ZFYVE28: variants seen among roughly 807,000 people sequenced by gnomAD.
ZFYVE28 encodes lateral signaling target protein 2 homolog.
A neutral mutation model predicts 82.1 loss-of-function variants in ZFYVE28; 40 were observed. That is an observed-to-expected ratio of 0.49 (90% CI 0.38 to 0.63). The LOEUF is 0.63. Ranked by LOEUF, ZFYVE28 falls within the 30% of genes least tolerant of loss-of-function variation. The pLI, the probability that ZFYVE28 is intolerant of heterozygous loss-of-function variation, is 0.00. For synonymous variants in ZFYVE28, 612 were observed against 546.1 expected, an observed-to-expected ratio of 1.12 and a Z score of -1.68; for missense variants, 1,321 against 1,242.1, an observed-to-expected ratio of 1.06 and a Z score of -0.96.
chr4:2,321,595 A>G (rs144922653), intron 6 of ZFYVE28, among the ~76,000 whole-genome samples: 52 of 152,030 alleles, frequency 3.4e-4, no homozygotes, highest in Middle Eastern at 3.4e-3. Flanking sequence ...GATTGAACGA[A>G]CAGTATTCAG....
chr4:2,368,326 C>G (rs539997472), intron 1 of ZFYVE28, among the ~76,000 whole-genome samples: 2 of 151,968 alleles, frequency 1.3e-5, no homozygotes, highest in Non-Finnish European at 2.9e-5. Flanking sequence ...CGCTTGAGCC[C>G]GGGAGGTGGA....
chr4:2,402,360 G>C (rs1000493671), intron 1 of ZFYVE28, among the ~76,000 whole-genome samples: 13 of 152,110 alleles, frequency 8.5e-5, no homozygotes, highest in Non-Finnish European at 1.8e-4. Flanking sequence ...ACCATCTCCC[G>C]CCCCGCCCGC....
chr4:2,335,836 C>G lies in ZFYVE28; in HGVS notation c.612-42G>C. Reference sequence around the variant, plus strand: ...ACAGTGAGCAGCATGAGGGCTGGCCCACCACAGCCACAGGTTGGACCCCAG... The same window carrying G: ...ACAGTGAGCAGCATGAGGGCTGGCCGACCACAGCCACAGGTTGGACCCCAG... On this transcript the variant is annotated intron_variant, in intron 5 of 12. Transcript: ENST00000290974. The surrounding 1 kb of genome is among the most constrained non-coding windows in gnomAD (Gnocchi z 5.8). 6.6e-7 allele frequency: 1 copy of G among 1,513,740 alleles called. No homozygotes were observed. The highest frequency in any genetic ancestry group is 9.0e-7 in the Non-Finnish European group (1 of 1,114,472). 93.8% of individuals were successfully genotyped at this position (1,513,740 alleles called of 1,614,324 possible). A position where few individuals can be genotyped will look rare whatever the true frequency, so the allele number is the denominator to read the frequency against.
rs762098607 is a variant in ZFYVE28 at position 2,339,624 on chromosome 4, C to A, written c.350G>T (p.Arg117Leu). 6.2e-7 allele frequency: 1 copy of A among 1,609,478 alleles called. No individual in the cohort carries two copies. Among genetic ancestry groups the A allele is most frequent in the South Asian group, 1.1e-5 (1 of 90,322 alleles). The change falls in exon 4 of 13, where the codon CGG becomes CTG. Residue 117 changes from arginine (R) to leucine (L), a missense_variant. Around this residue, in one of 2 missense-constraint regions of ZFYVE28, gnomAD observed 343 missense variants for 408.4 expected, o/e 0.84. Transcript: ENST00000290974. The surrounding 1 kb of genome is among the most constrained non-coding windows in gnomAD (Gnocchi z 5.0). Reference sequence around the variant, plus strand: ...GCGCATGGCCATGCTCTCCAGCTCCCGGTTCATGATGATGGAGCCGGCGGC... The same window carrying A: ...GCGCATGGCCATGCTCTCCAGCTCCAGGTTCATGATGATGGAGCCGGCGGC... The part of the protein sequence containing the change: ...CLAAGSIIMN[R>L]ELESMAMRPL...
intron 1 of ZFYVE28, among the ~76,000 whole-genome samples, chr4:2,410,302 G>A (rs743698): frequency 0.26 from 39,677 of 151,814 alleles, 6,514 homozygotes; most frequent in African/African-American, 0.46. Flanking sequence ...GGCAACCGCC[G>A]ATCTGCTTTC....
At chr4:2,307,105 G>A (rs531284238) in intron 7 of ZFYVE28, 2 of 152,358 alleles carry the variant, frequency 1.3e-5, no homozygotes, top group African/African-American at 4.8e-5. Context: ...CCTGGTGAGT[G>A]AGTAATAGTA....
Position 2,292,412 on chromosome 4 carries a change from G to A in ZFYVE28, c.2051+11877C>T, listed in dbSNP as rs747829736. Reference sequence around the variant, plus strand: ...CGAGGGGCAGACAGGGACAGGAATAGGAGGGCACAAGGGGTCTACAAGCAG... The same window carrying A: ...CGAGGGGCAGACAGGGACAGGAATAAGAGGGCACAAGGGGTCTACAAGCAG... On this transcript the variant is annotated intron_variant, in intron 8 of 12. Coordinates refer to ENST00000290974, the MANE Select transcript of ZFYVE28 (RefSeq NM_020972.3). Among the ~76,000 whole-genome samples, 5 of 152,176 alleles carry A rather than the reference G, an allele frequency of 3.3e-5. No individual in the cohort carries two copies. The East Asian group carries it at 5.8e-4, about 18-fold the overall frequency.
At chr4:2,329,410 A>G (rs1262046771) in intron 6 of ZFYVE28, among the ~76,000 whole-genome samples, 2 of 152,232 alleles carry the variant, frequency 1.3e-5, no homozygotes, top group African/African-American at 4.8e-5. Context: ...ACAGCTAATT[A>G]CATCCAATGG....
At chr4:2,326,170 T>C (rs549789746) in intron 6 of ZFYVE28, among the ~76,000 whole-genome samples, 5 of 152,342 alleles carry the variant, frequency 3.3e-5, no homozygotes, top group African/African-American at 9.6e-5. Flanking sequence ...TGTTTTCTTC[T>C]AGTAGTTTTA....
At chr4:2,340,619 A>G (rs1257878098) in intron 3 of ZFYVE28, among the ~76,000 whole-genome samples, 1 of 152,178 alleles carries the variant, frequency 6.6e-6, no homozygotes, top group Non-Finnish European at 1.5e-5. Context: ...ACCCCTGTGC[A>G]TGCATGCCCC....
chr4:2,349,758 A>C (rs1724086079), intron 2 of ZFYVE28, among the ~76,000 whole-genome samples: 1 of 152,202 alleles, frequency 6.6e-6, no homozygotes, highest in Non-Finnish European at 1.5e-5. Flanking sequence ...ATTTACCATA[A>C]TAAAAATAAC....
At chr4:2,404,253 C>T (rs574586066) in intron 1 of ZFYVE28, among the ~76,000 whole-genome samples, 14 of 145,970 alleles carry the variant, frequency 9.6e-5, no homozygotes, top group Admixed American at 3.6e-4. Context: ...ACCCGGGAGG[C>T]GGAGCCTGCA....
intron 1 of ZFYVE28, among the ~76,000 whole-genome samples, chr4:2,374,173 T>C (rs1727866638): frequency 6.6e-6 from 1 of 152,104 alleles, no homozygotes; most frequent in African/African-American, 2.4e-5. Flanking sequence ...CCTTCCAATC[T>C]AGAAAAAGCT....
chr4:2,413,980 A>G (rs1213912853), intron 1 of ZFYVE28, among the ~76,000 whole-genome samples: 1 of 152,188 alleles, frequency 6.6e-6, no homozygotes, highest in Non-Finnish European at 1.5e-5. Flanking sequence ...CCCCAAAAGG[A>G]GGACTGGGCT....
rs572351192 is a variant in ZFYVE28 at position 2,414,896 on chromosome 4, C to T, written c.39+3389G>A. Among the ~76,000 whole-genome samples the T allele has an allele frequency of 6.1e-4, 93 of 152,206 alleles. 1 individual carries two copies. Among genetic ancestry groups the T allele is most frequent in the Non-Finnish European group, 1.6e-4 (11 of 68,032 alleles). ...GCCAAAATGGTTTGCCTTTCTAAAG[C>T]ATAAACTCTCTTGAAAAGACTTTAA... On this transcript the variant is annotated intron_variant, in intron 1 of 12. Coordinates refer to ENST00000290974, the MANE Select transcript of ZFYVE28 (RefSeq NM_020972.3).
Position 2,332,143 on chromosome 4 carries a change from C to G in ZFYVE28, c.701+3562G>C, listed in dbSNP as rs1172185812. On this transcript the variant is annotated intron_variant, in intron 6 of 12. Transcript: ENST00000290974. The surrounding 1 kb of genome is among the most constrained non-coding windows in gnomAD (Gnocchi z 4.7). ...GCAGCAGCACAGTCACGGGCAGGAG[C>G]CACAGAGGAGCTCCACCCTCAGCTC... Among the ~76,000 whole-genome samples the G allele has an allele frequency of 6.6e-6, 1 of 152,164 alleles. No individual in the cohort carries two copies. The highest frequency in any genetic ancestry group is 1.5e-5 in the Non-Finnish European group (1 of 68,016).
At chr4:2,406,047 CAA>C (rs766149952) in intron 1 of ZFYVE28, among the ~76,000 whole-genome samples, 2 of 90,474 alleles carry the variant, frequency 2.2e-5, no homozygotes, top group Non-Finnish European at 4.3e-5. Flanking sequence ...GATTCTGTCT[CAA>C]AAAAAAAAAA....
intron 2 of ZFYVE28, among the ~76,000 whole-genome samples, chr4:2,346,854 GA>G (rs1335852854): frequency 6.6e-6 from 1 of 151,490 alleles, no homozygotes; most frequent in African/African-American, 2.4e-5. Flanking sequence ...AAAAAAGAAG[GA>G]AAAAAAGAGG....
chr4:2,374,510 G>A (rs555767910), intron 1 of ZFYVE28, among the ~76,000 whole-genome samples: 26 of 152,166 alleles, frequency 1.7e-4, no homozygotes, highest in Non-Finnish European at 3.5e-4. Context: ...CCACTAGGGA[G>A]GCTGAGGTGG....
Sources: allele counts gnomAD v4.1 joint callset (sites outside exome capture counted in the v4.1 genomes callset), GRCh38; gene constraint gnomAD v4.1.1; regional missense constraint gnomAD v4.1.1; non-coding constraint Gnocchi (gnomAD v3.1); transcripts MANE v1.5; gene names NCBI Gene and HGNC (gene_info 2026-07-23, HGNC 2026-07-21).